The following PDXDC1 variants were observed in gnomAD, a reference collection of about 807,000 sequenced individuals.
PDXDC1 encodes pyridoxal-dependent decarboxylase domain-containing protein 1.
A neutral mutation model predicts 100.1 loss-of-function variants in PDXDC1; 42 were observed. The observed-to-expected ratio is 0.42, with a 90% confidence interval of 0.33 to 0.54. PDXDC1 has a LOEUF of 0.54. Ranked by LOEUF, PDXDC1 falls within the 20% of genes least tolerant of loss-of-function variation. The pLI is 0.10. For missense variants in PDXDC1, 636 were observed against 979.2 expected (o/e 0.65, Z 4.68); for synonymous variants, 260 against 371.7 (o/e 0.70, Z 3.46).
At chr16:15,084,719 A>G in intron 16 of PDXDC1, 1 of 1,605,222 alleles carries the variant, frequency 6.2e-7, no homozygotes, top group Non-Finnish European at 8.5e-7. Context: ...AAAGGAGAAA[A>G]GTTCAGAGTA....
At chr16:15,135,688 C>T (rs1385069069) in intron 16 of PDXDC1, 9 of 1,594,162 alleles carry the variant, frequency 5.6e-6, no homozygotes, top group South Asian at 1.1e-5. Flanking sequence ...AACTGAGCGG[C>T]GTCTGGTCGC....
rs2043461690 is a variant in PDXDC1 at position 15,036,490 on chromosome 16, C to A, written c.*215C>A. The A allele has an allele frequency of 1.8e-6, 1 of 558,676 alleles. No homozygotes were observed. The highest frequency in any genetic ancestry group is 1.9e-5 in the African/African-American group (1 of 53,446). The allele number at this position is 558,676 out of a possible 1,614,324, so 34.6% of individuals were successfully genotyped here. Reference sequence around the variant, plus strand: ...ATGTAGAACCACGTTTGCTGTCCTACTACGACTTTTCCCTAAGTTACCATA... The same window carrying A: ...ATGTAGAACCACGTTTGCTGTCCTAATACGACTTTTCCCTAAGTTACCATA... On this transcript the variant is annotated 3_prime_UTR_variant, in exon 23 of 23. Transcript: ENST00000396410.
At chr16:15,041,878 G>A (rs1430619434), downstream of PDXDC1, among the ~76,000 whole-genome samples, 2 of 152,180 alleles carry the variant, frequency 1.3e-5, no homozygotes, top group Non-Finnish European at 2.9e-5. Context: ...GCCAGGAGAT[G>A]GCCACATTCT....
intron 16 of PDXDC1, chr16:15,094,118 C>T (rs764828674): frequency 1.1e-5 from 18 of 1,569,794 alleles, no homozygotes; most frequent in Non-Finnish European, 1.5e-5. Context: ...GTCCCAGATA[C>T]GCAGAAGGAA....
At chr16:15,089,277 C>T (rs956813727) in intron 16 of PDXDC1, among the ~76,000 whole-genome samples, 3 of 151,968 alleles carry the variant, frequency 2.0e-5, no homozygotes, top group Non-Finnish European at 4.4e-5. Flanking sequence ...GGTGACAGAG[C>T]AAGACTCTGT....
At chr16:15,064,345 T>C (rs1378087780) in intron 16 of PDXDC1, among the ~76,000 whole-genome samples, 1 of 152,144 alleles carries the variant, frequency 6.6e-6, no homozygotes. Flanking sequence ...CAGCTAATTT[T>C]TGTATTTTTA....
In PDXDC1 at chr16:15,035,999, G is replaced by C; in HGVS notation, c.2108-17G>C. The C allele has an allele frequency of 1.9e-6, 3 of 1,604,020 alleles. No individual in the cohort carries two copies. The highest frequency in any genetic ancestry group is 1.3e-5 in the African/African-American group (1 of 74,700). On this transcript the variant is annotated splice_polypyrimidine_tract_variant and intron_variant, in intron 22 of 22. Transcript: ENST00000396410. ...TCCTCACTGAGTTTCAGCGCAGTCT[G>C]TCTGCCCTTTCTGTAGGCCAGAAGC...
At chr16:15,101,996 G>C (rs1310290475) in intron 16 of PDXDC1, among the ~76,000 whole-genome samples, 2 of 151,976 alleles carry the variant, frequency 1.3e-5, no homozygotes, top group African/African-American at 2.4e-5. Flanking sequence ...TTACAGGTGC[G>C]TGCCACCATG....
At chr16:15,020,111 CAAAAAAAAAAAAAAAAAAAAAAA>C (rs56353637) in intron 12 of PDXDC1, among the ~76,000 whole-genome samples, 1 of 90,618 alleles carries the variant, frequency 1.1e-5, no homozygotes. Flanking sequence ...GGCTCCGTCT[CAAAAAAAAAAAAAAAAAAAAAAA>C]AAAAAGCCAA....
At chr16:14,994,838 CT>C (rs199648032) in intron 1 of PDXDC1, among the ~76,000 whole-genome samples, 34,656 of 143,338 alleles carry the variant, frequency 0.24, 1,058 homozygotes, top group East Asian at 0.4. Context: ...TGTAGTTTTC[CT>C]TGAAGAGGTC....
chr16:15,048,218 T>C (rs959915539), intron 16 of PDXDC1: 20 of 663,250 alleles, frequency 3.0e-5, no homozygotes, highest in Non-Finnish European at 5.0e-5. Flanking sequence ...GTGGGGAGTG[T>C]GTTAGTGGAC....
rs200365846 is a variant in PDXDC1 at position 15,111,124 on chromosome 16, T to TCACA, written c.1400-27726_1400-27723dup. ...GCCTGAGCGACAGAATGAGACTCTG[T>TCACA]CACACACACACACACACACACACAC... On this transcript the variant is annotated intron_variant, in intron 16 of 16. Transcript: ENST00000535621. 1.8e-3 allele frequency among the ~76,000 whole-genome samples: 257 copies of TCACA among 139,120 alleles called. 9 individuals carry two copies. Among genetic ancestry groups the TCACA allele is most frequent in the South Asian group, 2.9e-3 (12 of 4,190 alleles). The allele number at this position is 139,120 out of a possible 152,430, so 91.3% of individuals were successfully genotyped here.
downstream of PDXDC1, among the ~76,000 whole-genome samples, chr16:15,142,579 G>A (rs1055624171): frequency 1.3e-5 from 2 of 152,080 alleles, no homozygotes; most frequent in African/African-American, 2.4e-5. Flanking sequence ...CATCTGCCCT[G>A]GGCAGGACTC....
the PDXDC1 span, among the ~76,000 whole-genome samples, chr16:15,145,729 G>C: frequency 6.6e-6 from 1 of 152,252 alleles, no homozygotes; most frequent in East Asian, 1.9e-4. Context: ...GGCGTGAGCT[G>C]CATTTTCCAG....
At chr16:15,012,614 A>G (rs1346748471) in intron 8 of PDXDC1, among the ~76,000 whole-genome samples, 2 of 152,294 alleles carry the variant, frequency 1.3e-5, no homozygotes, top group Non-Finnish European at 2.9e-5. Context: ...GAAGGCTGAG[A>G]CTGCGAGATC....
chr16:14,991,742 A>C (rs764939020), intron 1 of PDXDC1, among the ~76,000 whole-genome samples: 13 of 151,948 alleles, frequency 8.6e-5, no homozygotes, highest in Non-Finnish European at 1.9e-4. Flanking sequence ...GGCTCATCTC[A>C]AACTCCCGGA....
At position 15,111,993 on chromosome 16, in the gene PDXDC1, T is replaced by C. The variant is rs539325084; in HGVS notation, c.1400-26886T>C. The stretch of plus-strand genomic sequence containing the variant: ...TGGAGCATCTTTCTTCTGTCCCTGC[T>C]CTACTCAGAGTTCACTTTCCCTTCC... On this transcript the variant is annotated intron_variant, in intron 16 of 16. Transcript: ENST00000535621. 1.8e-3 allele frequency among the ~76,000 whole-genome samples: 265 copies of C among 147,900 alleles called. 5 individuals carry two copies. The highest frequency in any genetic ancestry group is 6.3e-3 in the African/African-American group (259 of 41,280).
Position 15,037,971 on chromosome 16 carries a change from G to GC in PDXDC1, c.*1698dup. The GC allele has an allele frequency of 7.6e-7, 1 of 1,307,302 alleles. No homozygotes were observed. The allele number at this position is 1,307,302 out of a possible 1,614,324, so 81.0% of individuals were successfully genotyped here. A position where few individuals can be genotyped will look rare whatever the true frequency, so the allele number is the denominator to read the frequency against. On this transcript the variant is annotated 3_prime_UTR_variant, in exon 23 of 23. Transcript: ENST00000396410. The stretch of plus-strand genomic sequence containing the variant: ...ATGTAGGATCCAGATCTGGATTCGT[G>GC]CCAGCCCCACCAATGGTCTGTCAGG...
At chr16:15,149,824 T>A in the PDXDC1 span, among the ~76,000 whole-genome samples, 1 of 150,862 alleles carries the variant, frequency 6.6e-6, no homozygotes, top group African/African-American at 2.4e-5. Context: ...CCTGAGCTGA[T>A]GACATCTACA....
Sources: allele counts gnomAD v4.1 joint callset (sites outside exome capture counted in the v4.1 genomes callset), GRCh38; gene constraint gnomAD v4.1.1; transcripts MANE v1.5; gene names NCBI Gene and HGNC (gene_info 2026-07-23, HGNC 2026-07-21).